POLR1F: variants seen among roughly 807,000 people sequenced by gnomAD.
POLR1F encodes the protein DNA-directed RNA polymerase I subunit RPA43.
Under a neutral mutation model 21.8 loss-of-function variants are expected in POLR1F, and 23 were observed. That is an observed-to-expected ratio of 1.05 (90% confidence interval 0.76 to 1.49). POLR1F has a LOEUF of 1.49. Among genes scored for constraint, POLR1F ranks in the 40% most tolerant of loss-of-function variants. The pLI is 0.00. For synonymous variants in POLR1F, 162 were observed against 152.8 expected, an observed-to-expected ratio of 1.06 and a Z score of -0.45; for missense variants, 435 against 412.1, an observed-to-expected ratio of 1.06 and a Z score of -0.48.
intron 2 of POLR1F, among the ~76,000 whole-genome samples, chr7:19,701,334 C>T (rs905647552): frequency 2.0e-5 from 3 of 152,044 alleles, no homozygotes; most frequent in South Asian, 2.1e-4. Context: ...GGCAAAACTA[C>T]GGAAACAGTA....
intron 3 of POLR1F, among the ~76,000 whole-genome samples, chr7:19,699,684 A>G (rs1006688288): frequency 6.6e-6 from 1 of 152,208 alleles, no homozygotes; most frequent in Non-Finnish European, 1.5e-5. Flanking sequence ...ACAGAAGACA[A>G]TAATCAACAC....
intron 1 of POLR1F, among the ~76,000 whole-genome samples, chr7:19,707,552 G>A (rs1245243987): frequency 6.6e-6 from 1 of 152,120 alleles, no homozygotes; most frequent in Non-Finnish European, 1.5e-5. Flanking sequence ...AAGCATACCA[G>A]TTCACATCCA....
intron 1 of POLR1F, 107 bp from the exon 2 acceptor site, chr7:19,705,027 CA>C (rs1168016218): frequency 8.7e-7 from 1 of 1,153,988 alleles, no homozygotes; most frequent in Non-Finnish European, 1.2e-6. Flanking sequence ...GCAGTGACAT[CA>C]ACAGGGCTCA....
intron 1 of POLR1F, among the ~76,000 whole-genome samples, chr7:19,705,913 T>A (rs1042899763): frequency 6.6e-6 from 1 of 152,114 alleles, no homozygotes; most frequent in African/African-American, 2.4e-5. Flanking sequence ...ACCCACTACT[T>A]GTTGGAGAAA....
chr7:19,698,332 T>C lies in POLR1F; in HGVS notation c.1001A>G (p.Lys334Arg), dbSNP rs1327390508. Residue 334 changes from lysine (K) to arginine (R), a missense_variant, in exon 4 of 4, where the codon AAA becomes AGA. Transcript: ENST00000222567. ...PLKCSPKRKG[K>R]SNFL ...TAAAATACACTAAAGAAAATTACTT[T>C]TCCCTTTTCTTTTTGGTGAGCATTT... is the stretch of plus-strand genomic sequence containing the variant. The C allele has an allele frequency of 6.4e-7, 1 of 1,564,082 alleles. No individual in the cohort carries two copies. The highest frequency in any genetic ancestry group is 8.6e-7 in the Non-Finnish European group (1 of 1,164,356).
At chr7:19,706,525 GAA>G (rs1783527948) in intron 1 of POLR1F, among the ~76,000 whole-genome samples, 1 of 152,194 alleles carries the variant, frequency 6.6e-6, no homozygotes, top group Admixed American at 6.5e-5. Flanking sequence ...AGCCAGGGAA[GAA>G]AAGAGTCTGT....
chr7:19,705,183 C>G (rs1271131915), intron 1 of POLR1F, among the ~76,000 whole-genome samples: 5 of 152,152 alleles, frequency 3.3e-5, no homozygotes, highest in South Asian at 4.1e-4. Context: ...TACACATCTC[C>G]TAAATACACC....
intron 1 of POLR1F, among the ~76,000 whole-genome samples, chr7:19,707,668 CCTT>C (rs1310951916): frequency 6.6e-6 from 1 of 152,214 alleles, no homozygotes; most frequent in Non-Finnish European, 1.5e-5. Context: ...ATTCTACACT[CCTT>C]ATCTTATTAG....
At chr7:19,699,664 A>C (rs758228605) in intron 3 of POLR1F, among the ~76,000 whole-genome samples, 18 of 152,210 alleles carry the variant, frequency 1.2e-4, no homozygotes, top group Non-Finnish European at 2.4e-4. Context: ...CAGAAATTAA[A>C]ATATCTGGCA....
intron 1 of POLR1F, among the ~76,000 whole-genome samples, chr7:19,705,815 T>G (rs1468265340): frequency 6.6e-6 from 1 of 152,124 alleles, no homozygotes; most frequent in Non-Finnish European, 1.5e-5. Context: ...AGCACTGCAC[T>G]CCAGCCTGAG....
chr7:19,700,093 C>G lies in POLR1F; in HGVS notation c.584G>C (p.Arg195Pro), dbSNP rs776303194. 4 of 1,613,552 alleles carry G rather than the reference C, an allele frequency of 2.5e-6. No homozygotes were observed. The highest frequency in any genetic ancestry group is 3.4e-6 in the Non-Finnish European group (4 of 1,179,632). The change falls in exon 3 of 4, where the codon CGG (arginine) becomes CCG (proline). Residue 195 changes from arginine to proline, a missense_variant. By Grantham distance (103) the Arg-to-Pro change is moderately radical (BLOSUM62 -2). Coordinates refer to ENST00000222567, the MANE Select transcript of POLR1F (RefSeq NM_001002926.2). The stretch of plus-strand genomic sequence containing the variant: ...TAACCTTGTGATATTTAGTTTTCCC[C>G]GAATGCAGAATACTCCAGCAGCATC... ...DSDAAGVFCI[R>P]GKLNITSLQF...
rs1583402850 is a variant in POLR1F, at chr7:19,704,832, T to C, written c.343A>G (p.Asn115Asp). The C allele has an allele frequency of 6.2e-7, 1 of 1,609,542 alleles. No individual in the cohort carries two copies. The highest frequency in any genetic ancestry group is 2.2e-5 in the East Asian group (1 of 44,722). The part of the protein sequence containing the change: ...IYDDQGHIHL[N>D]IEADFVIFCP... ...AAAATAACAAAATCGGCTTCAATGT[T>C]AAGATGAATGTGTCCTTGATCATCA... Residue 115 changes from asparagine (N) to aspartate (D), a missense_variant, in exon 2 of 4, where the codon AAC (asparagine) becomes GAC (aspartate). Physicochemically the swap from Asn to Asp is conservative, Grantham distance 23 (BLOSUM62 1). Transcript: ENST00000222567.
intron 2 of POLR1F, among the ~76,000 whole-genome samples, chr7:19,700,740 T>C (rs929817782): frequency 6.6e-5 from 10 of 152,220 alleles, no homozygotes; most frequent in African/African-American, 2.4e-4. Context: ...TTTCTGTAAA[T>C]AGACCAAATT....
In POLR1F at chr7:19,698,076, G is replaced by C. The variant is rs1783394591; in HGVS notation, c.*240C>G. Reference sequence around the variant, plus strand: ...GTGCAAAACCTGGAAGAATATGAGAGCTGACAGTGAGAGCAGCTTTTTATT... The same window carrying C: ...GTGCAAAACCTGGAAGAATATGAGACCTGACAGTGAGAGCAGCTTTTTATT... On this transcript the variant is annotated 3_prime_UTR_variant, in exon 4 of 4. Coordinates refer to ENST00000222567, the MANE Select transcript of POLR1F (RefSeq NM_001002926.2). 2 of 336,258 alleles carry C rather than the reference G, an allele frequency of 5.9e-6. No homozygotes were observed. The highest frequency in any genetic ancestry group is 4.2e-5 in the African/African-American group (2 of 47,146). 20.8% of individuals were successfully genotyped at this position (336,258 alleles called of 1,614,324 possible).
chr7:19,700,379 C>G (rs1439187288), intron 2 of POLR1F, 99 bp from the exon 3 acceptor site: 18 of 880,684 alleles, frequency 2.0e-5, no homozygotes, highest in Non-Finnish European at 2.9e-5. Flanking sequence ...CTTCAAAGAA[C>G]AAACATCAAA....
In POLR1F at chr7:19,696,240, G is replaced by C. The variant is rs2128005604; in HGVS notation, c.*2076C>G. 6.6e-6 allele frequency: 1 copy of C among 152,130 alleles called. No homozygotes were observed. The highest frequency in any genetic ancestry group is 2.4e-5 in the African/African-American group (1 of 41,534). The allele number at this position is 152,130 out of a possible 1,614,324, so 9.4% of individuals were successfully genotyped here. On this transcript the variant is annotated 3_prime_UTR_variant, in exon 4 of 4. Transcript: ENST00000222567. ...CAATGAACAAAGTTATGCTATTCTAGGAAAGACAAATGGCCAGATCTGACT... is the reference window on the plus strand; with the variant it reads ...CAATGAACAAAGTTATGCTATTCTACGAAAGACAAATGGCCAGATCTGACT...
At position 19,698,137 on chromosome 7, in the gene POLR1F, C is replaced by T. The variant is rs1452631931; in HGVS notation, c.*179G>A. 6.1e-6 allele frequency: 3 copies of T among 491,146 alleles called. No homozygotes were observed. Among genetic ancestry groups the T allele is most frequent in the Admixed American group, 4.0e-5 (1 of 25,028 alleles). 30.4% of individuals were successfully genotyped at this position (491,146 alleles called of 1,614,324 possible). On this transcript the variant is annotated 3_prime_UTR_variant, in exon 4 of 4. Transcript: ENST00000222567. ...TGGTATTTTAACAATACTGGCTTTC[C>T]CCAAATTAATTTACAGTCAGTTTTA... is the stretch of plus-strand genomic sequence containing the variant.
In POLR1F at chr7:19,698,560, T is replaced by G; in HGVS notation, c.773A>C (p.Glu258Ala). Residue 258 changes from glutamate to alanine, a missense_variant, in exon 4 of 4, where the codon GAG becomes GCG. Physicochemically the swap from Glu to Ala is moderately radical, Grantham distance 107. Transcript: ENST00000222567. ...ATTATTAGTATTCTGCAGGGCTGACTCTTCCATTGGAGTGTCATCTGCATC... is the reference window on the plus strand; with the variant it reads ...ATTATTAGTATTCTGCAGGGCTGACGCTTCCATTGGAGTGTCATCTGCATC... ...ADDADDTPME[E>A]SALQNTNNAN... 1 of 1,613,168 alleles carries G rather than the reference T, an allele frequency of 6.2e-7. No individual in the cohort carries two copies. Among genetic ancestry groups the G allele is most frequent in the South Asian group, 1.1e-5 (1 of 90,866 alleles).
At position 19,708,915 on chromosome 7, in the gene POLR1F, A is replaced by G; in HGVS notation, c.102T>C (p.Tyr34=). Residue 34 remains tyrosine (Y), a synonymous_variant, in exon 1 of 4, where the codon TAT becomes TAC. Transcript: ENST00000222567. The part of the protein sequence containing the change: ...GVLPCLELPT[Y]AAACALVNSR... ...TGTTCACCAGCGCACAAGCAGCGGC[A>G]TAAGTCGGCAACTCTAGGCAAGGCA... 6.2e-7 allele frequency: 1 copy of G among 1,614,028 alleles called. No individual in the cohort carries two copies. The highest frequency in any genetic ancestry group is 8.5e-7 in the Non-Finnish European group (1 of 1,179,960).
Sources: allele counts gnomAD v4.1 joint callset (sites outside exome capture counted in the v4.1 genomes callset), GRCh38; gene constraint gnomAD v4.1.1; transcripts MANE v1.5; gene names NCBI Gene and HGNC (gene_info 2026-07-23, HGNC 2026-07-21).